ITPR2: variants seen among roughly 807,000 people sequenced by gnomAD.
ITPR2 encodes the protein inositol 1,4,5-trisphosphate-gated calcium channel ITPR2.
Under a neutral mutation model 317.1 loss-of-function variants are expected in ITPR2, and 207 were observed. The observed-to-expected ratio is 0.65, with a 90% CI of 0.58 to 0.73. ITPR2 has a LOEUF of 0.73. ITPR2 is among the 30% of genes least tolerant of loss of function. The pLI is 0.00. For missense variants in ITPR2, 2,613 were observed against 3,284.0 expected (o/e 0.80, Z 4.99); for synonymous variants, 1,156 against 1,149.1 (o/e 1.01, Z -0.12).
chr12:26,758,395 C>CT (rs1244433343), intron 2 of ITPR2, among the ~76,000 whole-genome samples: 1 of 151,918 alleles, frequency 6.6e-6, no homozygotes, highest in Non-Finnish European at 1.5e-5. Context: ...ATATTTTTGC[C>CT]TTACAATTGG....
rs766797924 is a variant in ITPR2, at chr12:26,561,951, T to G, written c.4632A>C (p.Ala1544=). Reference sequence around the variant, plus strand: ...CTGGAATGGCAATTCCACGATTTTTTGCTGAAAAAGAAAGATTTAAAATAT... The same window carrying G: ...CTGGAATGGCAATTCCACGATTTTTGGCTGAAAAAGAAAGATTTAAAATAT... ...ESCIRTLAEV[A]KNRGIAIPVD... Residue 1544 remains alanine (A), a splice_region_variant and synonymous_variant, in exon 35 of 57, where the codon GCA becomes GCC. Transcript: ENST00000381340. 20 of 1,510,172 alleles carry G rather than the reference T, an allele frequency of 1.3e-5. No individual in the cohort carries two copies. The East Asian group carries it at 3.8e-4, about 29-fold the overall frequency. The allele number at this position is 1,510,172 out of a possible 1,614,324, so 93.5% of individuals were successfully genotyped here.
intron 37 of ITPR2, among the ~76,000 whole-genome samples, chr12:26,546,885 T>C (rs1400615727): frequency 6.6e-6 from 1 of 152,074 alleles, no homozygotes; most frequent in Non-Finnish European, 1.5e-5. Context: ...TCTCTCACCA[T>C]ATACAAAAAT....
At chr12:26,672,143 A>T (rs1947790376) in intron 13 of ITPR2, among the ~76,000 whole-genome samples, 1 of 152,202 alleles carries the variant, frequency 6.6e-6, no homozygotes, top group Non-Finnish European at 1.5e-5. Flanking sequence ...CAGATCAATG[A>T]CACAGAAAGT....
chr12:26,627,706 A>T lies in ITPR2; in HGVS notation c.3064+327T>A, dbSNP rs1440046074. ...CAAACACTGCATGTTCTCATTCATA[A>T]GTGGGAGTTCAACAATAAGAACACA... On this transcript the variant is annotated intron_variant, in intron 23 of 56. Transcript: ENST00000381340. Among the ~76,000 whole-genome samples the T allele has an allele frequency of 2.6e-5, 4 of 152,148 alleles. No homozygotes were observed. In the East Asian group the frequency reaches 5.8e-4, roughly 22 times the overall value.
chr12:26,537,126 C>T (rs1417482168), intron 37 of ITPR2, among the ~76,000 whole-genome samples: 3 of 151,722 alleles, frequency 2.0e-5, no homozygotes, highest in South Asian at 2.1e-4. Flanking sequence ...AGTTCTGGAG[C>T]GGGAGAGGAA....
At chr12:26,664,346 A>G (rs1947571233) in intron 14 of ITPR2, among the ~76,000 whole-genome samples, 2 of 152,024 alleles carry the variant, frequency 1.3e-5, no homozygotes, top group African/African-American at 2.4e-5. Context: ...CTGTTTTTGT[A>G]TACAAAGATG....
At chr12:26,495,291 T>C in intron 37 of ITPR2, 31 bp from the exon 38 acceptor site, 1 of 1,216,880 alleles carries the variant, frequency 8.2e-7, no homozygotes, top group Non-Finnish European at 1.2e-6. Flanking sequence ...GAGTTACTGT[T>C]CCCTTTTCTA....
chr12:26,439,763 A>T (rs16930715), intron 46 of ITPR2, among the ~76,000 whole-genome samples: 2,080 of 152,276 alleles, frequency 0.014, 57 homozygotes, highest in African/African-American at 0.047. Flanking sequence ...CATATTCAGC[A>T]TTATGTGTCT....
At position 26,681,921 on chromosome 12, in the gene ITPR2, G is replaced by T. The variant is rs1464830333; in HGVS notation, c.1362C>A (p.Thr454=). The change falls in exon 13 of 57, where the codon ACC becomes ACA. Residue 454 remains threonine (T), a synonymous_variant. Transcript: ENST00000381340. ...TGCCGTTTTCTAGCTTTTTAACTGTGGTCGCTAGTACTTTATTGGCATCAT... is the reference window on the plus strand; with the variant it reads ...TGCCGTTTTCTAGCTTTTTAACTGTTGTCGCTAGTACTTTATTGGCATCAT... ...FANDANKVLA[T]TVKKLENGTI... 4.3e-6 allele frequency: 7 copies of T among 1,613,118 alleles called. No homozygotes were observed. The highest frequency in any genetic ancestry group is 5.9e-6 in the Non-Finnish European group (7 of 1,179,292).
At chr12:26,402,612 G>T (rs1940213089) in intron 52 of ITPR2, among the ~76,000 whole-genome samples, 1 of 152,204 alleles carries the variant, frequency 6.6e-6, no homozygotes, top group Non-Finnish European at 1.5e-5. Flanking sequence ...TCATGTAAAT[G>T]GGAGGAGAAC....
chr12:26,414,559 A>G (rs1410340448), intron 51 of ITPR2, among the ~76,000 whole-genome samples: 1 of 152,148 alleles, frequency 6.6e-6, no homozygotes, highest in Non-Finnish European at 1.5e-5. Context: ...GGAGGAGGAA[A>G]AAGAATAATA....
intron 55 of ITPR2, among the ~76,000 whole-genome samples, chr12:26,383,833 G>A (rs560657082): frequency 2.0e-5 from 3 of 151,986 alleles, no homozygotes; most frequent in Non-Finnish European, 4.4e-5. Flanking sequence ...AAAGGTAGGA[G>A]GCATTTTCTA....
intron 9 of ITPR2, among the ~76,000 whole-genome samples, chr12:26,704,594 T>C (rs1948515873): frequency 7.7e-6 from 1 of 130,126 alleles, no homozygotes; most frequent in South Asian, 2.4e-4. Context: ...GACATGCTAG[T>C]TATTAATAAT....
At position 26,659,132 on chromosome 12, in the gene ITPR2, T is replaced by A. The variant is rs1420229082; in HGVS notation, c.1867A>T (p.Arg623Trp). ...TCAAACCTTGGCTCCCGATTTCTCC[T>A]GAGTAAACTGACAAATGTTTCTATT... ...KEIETFVSLL[R>W]RNREPRFLDY... Residue 623 changes from arginine to tryptophan, a missense_variant, in exon 16 of 57, where the codon AGG (arginine) becomes TGG (tryptophan). Around this residue, in one of 9 missense-constraint regions of ITPR2, gnomAD observed 515 missense variants for 789.4 expected, o/e 0.65. Transcript: ENST00000381340. 3.1e-6 allele frequency: 5 copies of A among 1,613,052 alleles called. No individual in the cohort carries two copies. Among genetic ancestry groups the A allele is most frequent in the African/African-American group, 1.3e-5 (1 of 75,030 alleles).
intron 37 of ITPR2, among the ~76,000 whole-genome samples, chr12:26,508,076 T>C (rs1468839800): frequency 2.0e-5 from 3 of 152,186 alleles, no homozygotes; most frequent in East Asian, 1.9e-4. Flanking sequence ...ACATCTCTTT[T>C]CTGCTTTATT....
intron 21 of ITPR2, among the ~76,000 whole-genome samples, chr12:26,644,066 A>G (rs188353944): frequency 5.3e-5 from 8 of 152,338 alleles, no homozygotes; most frequent in Admixed American, 2.0e-4. Context: ...CCTACTGTCC[A>G]AAACAATGGA....
At chr12:26,542,570 C>G (rs1944291096) in intron 37 of ITPR2, among the ~76,000 whole-genome samples, 1 of 152,188 alleles carries the variant, frequency 6.6e-6, no homozygotes, top group South Asian at 2.1e-4. Flanking sequence ...TCTGACAGTA[C>G]TGTCTGATAA....
At chr12:26,501,292 T>C (rs950948243) in intron 37 of ITPR2, among the ~76,000 whole-genome samples, 6 of 152,206 alleles carry the variant, frequency 3.9e-5, no homozygotes, top group Non-Finnish European at 1.5e-5. Context: ...CTCATTTGAA[T>C]TGCCAGGGGT....
At position 26,655,751 on chromosome 12, in the gene ITPR2, G is replaced by C. The variant is rs774024185; in HGVS notation, c.2546C>G (p.Pro849Arg). 2 of 1,613,128 alleles carry C rather than the reference G, an allele frequency of 1.2e-6. No individual in the cohort carries two copies. Among genetic ancestry groups the C allele is most frequent in the South Asian group, 2.2e-5 (2 of 91,072 alleles). ...EEYLKEVVNQ[P>R]FPFGDKEKNK... ...TTTTTCTTTATCCCCAAAAGGAAAGGGCTGGTTTACAACTTCTTTCAAATA... is the reference window on the plus strand; with the variant it reads ...TTTTTCTTTATCCCCAAAAGGAAAGCGCTGGTTTACAACTTCTTTCAAATA... The change falls in exon 20 of 57, where the codon CCC becomes CGC. Residue 849 changes from proline to arginine, a missense_variant. This residue lies in a region of ITPR2 where 817 missense variants were observed against 897.6 expected (regional missense o/e 0.91). Transcript: ENST00000381340.
Sources: allele counts gnomAD v4.1 joint callset (sites outside exome capture counted in the v4.1 genomes callset), GRCh38; gene constraint gnomAD v4.1.1; regional missense constraint gnomAD v4.1.1; transcripts MANE v1.5; gene names NCBI Gene and HGNC (gene_info 2026-07-23, HGNC 2026-07-21).